The following TMIGD3 variants were observed in gnomAD, a reference collection of about 807,000 sequenced individuals.
TMIGD3 encodes AD026 protein (AD026).
Under a neutral mutation model 28.1 loss-of-function variants are expected in TMIGD3, and 21 were observed. That is an observed-to-expected ratio of 0.75 (90% CI 0.53 to 1.08). The LOEUF (loss-of-function observed/expected upper bound fraction) is 1.08, where lower values mean the gene tolerates loss of function less well. Among genes scored for constraint, TMIGD3 ranks in the 50% least tolerant of loss-of-function variants. The pLI, the probability that TMIGD3 is intolerant of heterozygous loss-of-function variation, is 0.00. For missense variants in TMIGD3, 416 were observed against 435.6 expected (o/e 0.96, Z 0.40); for synonymous variants, 151 against 162.1 (o/e 0.93, Z 0.52).
chr1:111,509,414 G>A (rs377642059), intron 1 of TMIGD3, among the ~76,000 whole-genome samples: 68 of 152,268 alleles, frequency 4.5e-4, no homozygotes, highest in Middle Eastern at 3.4e-3. Context: ...TGCTCAGGCC[G>A]GGTGTCCCCA....
intron 3 of TMIGD3, 150 bp downstream of exon 3, chr1:111,488,527 T>G: frequency 1.5e-6 from 1 of 675,292 alleles, no homozygotes; most frequent in Non-Finnish European, 2.5e-6. Context: ...GACCACCCTA[T>G]GTTTGCCGGA....
intron 1 of TMIGD3, among the ~76,000 whole-genome samples, chr1:111,547,778 G>A (rs1208675456): frequency 1.3e-5 from 2 of 152,186 alleles, no homozygotes; most frequent in African/African-American, 4.8e-5. Context: ...TTGATGAGAG[G>A]AATAAGCAGG....
intron 1 of TMIGD3, among the ~76,000 whole-genome samples, chr1:111,542,854 G>A (rs1056919726): frequency 6.6e-6 from 1 of 152,004 alleles, no homozygotes; most frequent in African/African-American, 2.4e-5. Context: ...GAACCACCAT[G>A]GCTGGCTAGT....
At chr1:111,561,736 G>A (rs1657746276) in intron 1 of TMIGD3, among the ~76,000 whole-genome samples, 2 of 152,132 alleles carry the variant, frequency 1.3e-5, no homozygotes, top group Non-Finnish European at 2.9e-5. Flanking sequence ...TCTCATATGT[G>A]TGTGTATTTG....
intron 1 of TMIGD3, among the ~76,000 whole-genome samples, chr1:111,491,510 T>C (rs1479139903): frequency 6.6e-6 from 1 of 152,190 alleles, no homozygotes; most frequent in Non-Finnish European, 1.5e-5. Context: ...AGCCAGCACA[T>C]CCCATCAAGG....
intron 2 of TMIGD3, chr1:111,489,626 C>A: frequency 8.8e-7 from 1 of 1,137,286 alleles, no homozygotes; most frequent in Non-Finnish European, 1.1e-6. Flanking sequence ...AGGCCTCCTA[C>A]CATTGCTTGA....
intron 3 of TMIGD3, 140 bp from the exon 4 acceptor site, chr1:111,486,792 C>G (rs2800907): frequency 0.076 from 56,310 of 739,212 alleles, 2,868 homozygotes; most frequent in African/African-American, 0.2. Context: ...AGAGGTACCA[C>G]GCGCAGTTGT....
intron 1 of TMIGD3, among the ~76,000 whole-genome samples, chr1:111,538,761 T>A (rs1481039173): frequency 6.6e-6 from 1 of 152,232 alleles, no homozygotes; most frequent in African/African-American, 2.4e-5. Flanking sequence ...ACGGGGCCTC[T>A]GGCATTGCTC....
chr1:111,550,359 T>C (rs1657210816), intron 1 of TMIGD3, among the ~76,000 whole-genome samples: 2 of 152,134 alleles, frequency 1.3e-5, no homozygotes, highest in Admixed American at 6.5e-5. Context: ...ATTTTCTTCC[T>C]TTTTCTTGCT....
chr1:111,557,428 T>C (rs1387134452), intron 1 of TMIGD3, among the ~76,000 whole-genome samples: 1 of 151,914 alleles, frequency 6.6e-6, no homozygotes, highest in Non-Finnish European at 1.5e-5. Context: ...GACCCGCCTG[T>C]AGTCCCAGCT....
chr1:111,542,615 G>A (rs1656877476), intron 1 of TMIGD3: 1 of 153,658 alleles, frequency 6.5e-6, no homozygotes, highest in South Asian at 2.0e-4. Flanking sequence ...TTTCTCTTAT[G>A]TGCAAACTAA....
At chr1:111,525,088 CTT>C (rs1656218817) in intron 1 of TMIGD3, among the ~76,000 whole-genome samples, 2 of 152,112 alleles carry the variant, frequency 1.3e-5, no homozygotes, top group South Asian at 4.1e-4. Context: ...TGTATTGAAA[CTT>C]ATGTTTAATT....
chr1:111,551,676 C>A (rs1180068056), intron 1 of TMIGD3, among the ~76,000 whole-genome samples: 1 of 151,756 alleles, frequency 6.6e-6, no homozygotes, highest in African/African-American at 2.4e-5. Context: ...TTAATAACAT[C>A]TTTTATATTT....
Position 111,519,839 on chromosome 1 carries a change from C to A in TMIGD3, c.108-29077G>T, listed in dbSNP as rs373262059. On this transcript the variant is annotated intron_variant, in intron 1 of 5. Coordinates refer to the TMIGD3 transcript ENST00000369717. ...TCCTGAGTAGCTGGGATTACAGGCA[C>A]CTGCCACCACACCCAGCTAATTTTT... is the stretch of plus-strand genomic sequence containing the variant. Among the ~76,000 whole-genome samples the A allele has an allele frequency of 1.2e-4, 18 of 151,910 alleles. 1 individual carries two copies. Among genetic ancestry groups the A allele is most frequent in the Admixed American group, 7.9e-4 (12 of 15,248 alleles).
chr1:111,499,934 C>A (rs367610688), intron 1 of TMIGD3: 7 of 1,610,826 alleles, frequency 4.3e-6, no homozygotes, highest in Non-Finnish European at 5.9e-6. Context: ...GAGACAGAGT[C>A]ATCTCTGATG....
chr1:111,562,021 C>T (rs1331527900), intron 1 of TMIGD3, among the ~76,000 whole-genome samples: 1 of 152,250 alleles, frequency 6.6e-6, no homozygotes, highest in Non-Finnish European at 1.5e-5. Flanking sequence ...ACTCTGAACC[C>T]AAATTAACTT....
At chr1:111,492,020 G>A (rs911437572) in intron 1 of TMIGD3, among the ~76,000 whole-genome samples, 3 of 152,152 alleles carry the variant, frequency 2.0e-5, no homozygotes, top group Non-Finnish European at 4.4e-5. Context: ...CAGAGGCTAG[G>A]TCATAAAAGG....
intron 1 of TMIGD3, among the ~76,000 whole-genome samples, chr1:111,522,612 G>A (rs192835514): frequency 6.6e-6 from 1 of 151,784 alleles, no homozygotes. Context: ...CACCTCCTGG[G>A]TTCAAGCAGT....
At chr1:111,528,350 T>C (rs1656339440) in intron 1 of TMIGD3, among the ~76,000 whole-genome samples, 1 of 152,204 alleles carries the variant, frequency 6.6e-6, no homozygotes, top group African/African-American at 2.4e-5. Flanking sequence ...CTTCTGGCCT[T>C]TCTATTCTGT....
Sources: allele counts gnomAD v4.1 joint callset (sites outside exome capture counted in the v4.1 genomes callset), GRCh38; gene constraint gnomAD v4.1.1; transcripts MANE v1.5; gene names NCBI Gene and HGNC (gene_info 2026-07-23, HGNC 2026-07-21).